The following CSGALNACT2 variants were observed in gnomAD, a reference collection of about 807,000 sequenced individuals.
CSGALNACT2 encodes chondroitin sulfate N-acetylgalactosaminyltransferase 2, also known as beta 4 GalNAcT-2.
Under a neutral mutation model 55.3 loss-of-function variants are expected in CSGALNACT2, and 35 were observed. The observed-to-expected ratio is 0.63, with a 90% CI of 0.48 to 0.84. The LOEUF is 0.84. Among genes scored for constraint, CSGALNACT2 ranks in the 40% least tolerant of loss-of-function variants. The pLI is 0.00. For synonymous variants in CSGALNACT2, 196 were observed against 224.9 expected (o/e 0.87, Z 1.15); for missense variants, 544 against 657.5 (o/e 0.83, Z 1.89).
Position 43,183,718 on chromosome 10 carries a change from C to T in CSGALNACT2, c.*176C>T, listed in dbSNP as rs1839638144. The T allele has an allele frequency of 3.3e-6, 2 of 605,022 alleles. No individual in the cohort carries two copies. Among genetic ancestry groups the T allele is most frequent in the Admixed American group, 5.9e-5 (2 of 33,666 alleles). The allele number at this position is 605,022 out of a possible 1,614,324, so 37.5% of individuals were successfully genotyped here. ...AGAAGAAAAAACAAATGTTTCAACA[C>T]AAAATCTCTGTTTTGTGAGAATACT... On this transcript the variant is annotated 3_prime_UTR_variant, in exon 8 of 8. Transcript: ENST00000374466.
chr10:43,145,398 G>A (rs763089410), intron 1 of CSGALNACT2, among the ~76,000 whole-genome samples: 1 of 130,060 alleles, frequency 7.7e-6, no homozygotes, highest in African/African-American at 2.9e-5. Flanking sequence ...CGTAGCCTAA[G>A]TTTGTTTGTT....
At chr10:43,162,950 G>A (rs955967077) in intron 4 of CSGALNACT2, 6 of 985,150 alleles carry the variant, frequency 6.1e-6, no homozygotes, top group Non-Finnish European at 6.0e-6. Flanking sequence ...CCTTGCATGG[G>A]AGGTACTCTT....
At chr10:43,168,514 TATCA>T (rs1380522103) in intron 6 of CSGALNACT2, among the ~76,000 whole-genome samples, 1 of 152,070 alleles carries the variant, frequency 6.6e-6, no homozygotes, top group Non-Finnish European at 1.5e-5. Flanking sequence ...AAAAAACAGT[TATCA>T]AAAAGTTACC....
At chr10:43,162,220 G>A in intron 4 of CSGALNACT2, 2 of 520,346 alleles carry the variant, frequency 3.8e-6, no homozygotes, top group East Asian at 5.4e-5. Flanking sequence ...TCCACATGGT[G>A]AGGGATATGA....
intron 7 of CSGALNACT2, among the ~76,000 whole-genome samples, chr10:43,176,419 A>AT (rs138590679): frequency 0.044 from 6,661 of 152,142 alleles, 181 homozygotes; most frequent in South Asian, 0.089. Context: ...GGACTTTCAC[A>AT]TTTTTTTGAG....
chr10:43,152,886 G>A (rs1838907560), intron 1 of CSGALNACT2, among the ~76,000 whole-genome samples: 1 of 152,112 alleles, frequency 6.6e-6, no homozygotes, highest in Non-Finnish European at 1.5e-5. Context: ...TTTAAATAAT[G>A]AAATTCAAGT....
At chr10:43,155,930 T>A (rs1405512853) in intron 2 of CSGALNACT2, 120 bp downstream of exon 2, 1 of 900,770 alleles carries the variant, frequency 1.1e-6, no homozygotes, top group East Asian at 2.7e-5. Context: ...TGTAGACAAA[T>A]GTTAGTAATA....
chr10:43,150,881 T>C (rs1838860756), intron 1 of CSGALNACT2, among the ~76,000 whole-genome samples: 1 of 152,174 alleles, frequency 6.6e-6, no homozygotes, highest in Non-Finnish European at 1.5e-5. Context: ...CAATGCTTTG[T>C]TTATATTTTT....
chr10:43,149,285 T>C (rs1443938465), intron 1 of CSGALNACT2, among the ~76,000 whole-genome samples: 3 of 152,066 alleles, frequency 2.0e-5, no homozygotes, highest in Non-Finnish European at 4.4e-5. Flanking sequence ...CGGGGTTTCA[T>C]TGTGCTAGCC....
intron 6 of CSGALNACT2, among the ~76,000 whole-genome samples, chr10:43,175,043 G>T (rs1389061079): frequency 6.6e-6 from 1 of 152,160 alleles, no homozygotes; most frequent in African/African-American, 2.4e-5. Flanking sequence ...CTGGTTTCTC[G>T]CATGGTAGAA....
In CSGALNACT2 at chr10:43,184,965, ATTC is replaced by A. The variant is rs2133165621; in HGVS notation, c.*1426_*1428del. 6.6e-6 allele frequency: 1 copy of A among 152,302 alleles called. No homozygotes were observed. Among genetic ancestry groups the A allele is most frequent in the South Asian group, 2.1e-4 (1 of 4,834 alleles). The allele number at this position is 152,302 out of a possible 1,614,324, so 9.4% of individuals were successfully genotyped here. A position where few individuals can be genotyped will look rare whatever the true frequency, so the allele number is the denominator to read the frequency against. ...ATATTACAATAACTCTTACCTAATT[ATTC>A]TTACAAGTTTTAAGTTGTGGTAGTT... is the stretch of plus-strand genomic sequence containing the variant. On this transcript the variant is annotated 3_prime_UTR_variant, in exon 8 of 8. Coordinates refer to ENST00000374466, the MANE Select transcript of CSGALNACT2 (RefSeq NM_018590.5).
intron 4 of CSGALNACT2, chr10:43,163,127 G>C (rs1044183459): frequency 1.0e-6 from 1 of 985,158 alleles, no homozygotes; most frequent in African/African-American, 1.7e-5. Flanking sequence ...TATTTTGAAT[G>C]ACCTTTACAC....
chr10:43,139,291 C>G (rs910927045), intron 1 of CSGALNACT2, among the ~76,000 whole-genome samples: 1 of 152,156 alleles, frequency 6.6e-6, no homozygotes, highest in Admixed American at 6.5e-5. Flanking sequence ...ATAGTAGCTT[C>G]GATCTTGGAA....
chr10:43,181,118 A>G (rs1216882554), intron 7 of CSGALNACT2, among the ~76,000 whole-genome samples: 1 of 152,228 alleles, frequency 6.6e-6, no homozygotes, highest in Non-Finnish European at 1.5e-5. Flanking sequence ...TCACATGAGT[A>G]TGGGGGTCCC....
chr10:43,162,893 G>A (rs1002680653), intron 4 of CSGALNACT2: 1 of 985,214 alleles, frequency 1.0e-6, no homozygotes, highest in Non-Finnish European at 1.2e-6. Flanking sequence ...TAGCAGAAAA[G>A]TCCTGCTGAT....
chr10:43,181,137 C>G (rs987884855), intron 7 of CSGALNACT2, among the ~76,000 whole-genome samples: 1 of 152,200 alleles, frequency 6.6e-6, no homozygotes, highest in Non-Finnish European at 1.5e-5. Flanking sequence ...CCAATATGAC[C>G]AGGTCCCCCT....
At chr10:43,179,033 T>C (rs1429130934) in intron 7 of CSGALNACT2, among the ~76,000 whole-genome samples, 1 of 152,188 alleles carries the variant, frequency 6.6e-6, no homozygotes, top group African/African-American at 2.4e-5. Context: ...TTTCAGTTAC[T>C]ATAGTTTTTA....
intron 1 of CSGALNACT2, among the ~76,000 whole-genome samples, chr10:43,146,440 C>T (rs1047805104): frequency 3.9e-4 from 59 of 152,310 alleles, no homozygotes; most frequent in African/African-American, 1.4e-3. Flanking sequence ...AGATGGTGCC[C>T]AACCAGATTG....
chr10:43,140,265 A>G lies in CSGALNACT2; in HGVS notation c.-254+1698A>G, dbSNP rs140571560. On this transcript the variant is annotated intron_variant, in intron 1 of 7. Transcript: ENST00000374466. ...CTGTATGCATTTCTGTCAGCTATAG[A>G]ATGACTGAGTCATGGCATAAGCAGA... Among the ~76,000 whole-genome samples, 229 of 152,340 alleles carry G rather than the reference A, an allele frequency of 1.5e-3. 5 individuals carry two copies. The East Asian group carries it at 0.035, about 23-fold the overall frequency.
Sources: allele counts gnomAD v4.1 joint callset (sites outside exome capture counted in the v4.1 genomes callset), GRCh38; gene constraint gnomAD v4.1.1; transcripts MANE v1.5; gene names NCBI Gene and HGNC (gene_info 2026-07-23, HGNC 2026-07-21).